Variants in ATP8A2 observed in about 807,000 individuals in gnomAD.
ATP8A2 encodes the protein phospholipid-transporting ATPase IB.
A neutral mutation model predicts 165.6 loss-of-function variants in ATP8A2; 100 were observed. The observed-to-expected ratio is 0.60, with a 90% CI of 0.51 to 0.71. ATP8A2 has a LOEUF of 0.71. Among genes scored for constraint, ATP8A2 ranks in the 30% least tolerant of loss-of-function variants. The pLI, the probability that ATP8A2 is intolerant of heterozygous loss-of-function variation, is 0.00. For missense variants in ATP8A2, 1,227 were observed against 1,479.5 expected, an observed-to-expected ratio of 0.83 and a Z score of 2.80; for synonymous variants, 543 against 548.8, an observed-to-expected ratio of 0.99 and a Z score of 0.15.
intron 35 of ATP8A2, among the ~76,000 whole-genome samples, chr13:26,005,290 T>C (rs1235056029): frequency 1.3e-5 from 2 of 152,080 alleles, no homozygotes; most frequent in Non-Finnish European, 1.5e-5. Flanking sequence ...GTATCTGTTA[T>C]AGTGTCTCAA....
intron 1 of ATP8A2, among the ~76,000 whole-genome samples, chr13:25,412,841 G>A (rs757376386): frequency 2.6e-5 from 4 of 152,162 alleles, no homozygotes; most frequent in Non-Finnish European, 5.9e-5. Flanking sequence ...TTTGGGGGGG[G>A]ATGGAGTCTT....
At chr13:25,732,297 G>A (rs980519736) in intron 25 of ATP8A2, among the ~76,000 whole-genome samples, 8 of 152,296 alleles carry the variant, frequency 5.3e-5, no homozygotes, top group South Asian at 2.1e-4. Context: ...ACCAGAATTC[G>A]GAATATGGGG....
chr13:25,950,480 C>T (rs559506329), intron 33 of ATP8A2, among the ~76,000 whole-genome samples: 1 of 152,304 alleles, frequency 6.6e-6, no homozygotes, highest in East Asian at 1.9e-4. Flanking sequence ...AGGCAAAGAA[C>T]AGTAACAGCA....
chr13:25,807,325 C>T (rs778979509), intron 27 of ATP8A2, among the ~76,000 whole-genome samples: 5 of 152,132 alleles, frequency 3.3e-5, no homozygotes, highest in Non-Finnish European at 2.9e-5. Flanking sequence ...AGCTCTTAAA[C>T]TTACGACTGT....
At chr13:25,784,339 G>T (rs1032045915) in intron 27 of ATP8A2, among the ~76,000 whole-genome samples, 1 of 152,100 alleles carries the variant, frequency 6.6e-6, no homozygotes, top group Non-Finnish European at 1.5e-5. Flanking sequence ...TCGTAGCCCG[G>T]GTGCACTCTC....
intron 24 of ATP8A2, among the ~76,000 whole-genome samples, chr13:25,634,739 A>G (rs1468133357): frequency 6.6e-6 from 1 of 152,148 alleles, no homozygotes; most frequent in Non-Finnish European, 1.5e-5. Flanking sequence ...GACCTGTACC[A>G]AGCATTTCTT....
chr13:25,401,132 A>G (rs1015347937), intron 1 of ATP8A2, among the ~76,000 whole-genome samples: 4 of 152,200 alleles, frequency 2.6e-5, no homozygotes, highest in Non-Finnish European at 4.4e-5. Flanking sequence ...CAGCTCGGAA[A>G]TGAGACACGG....
chr13:25,432,580 C>T (rs1408720020), intron 1 of ATP8A2, among the ~76,000 whole-genome samples: 2 of 152,060 alleles, frequency 1.3e-5, no homozygotes, highest in Non-Finnish European at 2.9e-5. Context: ...TGGGAGGGCT[C>T]AGAGCTCCTA....
chr13:25,811,685 TACAAA>T (rs1458258309), intron 27 of ATP8A2, among the ~76,000 whole-genome samples: 1 of 152,114 alleles, frequency 6.6e-6, no homozygotes, highest in African/African-American at 2.4e-5. Flanking sequence ...ACTCCATCTT[TACAAA>T]ACAAAACAAA....
In ATP8A2 at chr13:25,729,021, C is replaced by A. The variant is rs188663580; in HGVS notation, c.2384+29676C>A. On this transcript the variant is annotated intron_variant, in intron 25 of 36. Transcript: ENST00000381655. ...TGCATTCTTAAAAACTCAGAGCTAA[C>A]CTTGGAGTGGTGTCTCTTTCTCTCC... Among the ~76,000 whole-genome samples the A allele has an allele frequency of 9.2e-5, 14 of 152,180 alleles. No individual in the cohort carries two copies. In the East Asian group the frequency reaches 2.5e-3, roughly 27 times the overall value.
At chr13:25,931,962 C>G (rs1025280172) in intron 33 of ATP8A2, among the ~76,000 whole-genome samples, 1 of 151,226 alleles carries the variant, frequency 6.6e-6, no homozygotes, top group Non-Finnish European at 1.5e-5. Flanking sequence ...GCAGGAGAAT[C>G]ACTTGAACCA....
chr13:25,747,912 T>C (rs1288037681), intron 25 of ATP8A2, among the ~76,000 whole-genome samples: 1 of 152,158 alleles, frequency 6.6e-6, no homozygotes, highest in Non-Finnish European at 1.5e-5. Flanking sequence ...TTCAGATATT[T>C]TTCTACAAGT....
chr13:25,810,480 A>G (rs1354901341), intron 27 of ATP8A2, among the ~76,000 whole-genome samples: 1 of 151,712 alleles, frequency 6.6e-6, no homozygotes, highest in Admixed American at 6.6e-5. Context: ...CCCAGCCCCA[A>G]TTTAAACATC....
At chr13:25,954,852 C>T (rs1955481433) in intron 33 of ATP8A2, among the ~76,000 whole-genome samples, 1 of 152,206 alleles carries the variant, frequency 6.6e-6, no homozygotes, top group Admixed American at 6.5e-5. Flanking sequence ...AGGTCACCAA[C>T]ATCAAAGACC....
intron 2 of ATP8A2, among the ~76,000 whole-genome samples, chr13:25,512,990 T>G (rs376645443): frequency 5.7e-4 from 41 of 71,800 alleles, no homozygotes; most frequent in South Asian, 1.1e-3. Flanking sequence ...CCGGACGGGG[T>G]GGCTGGCCGG....
At chr13:25,652,676 G>T (rs1464913239) in intron 24 of ATP8A2, among the ~76,000 whole-genome samples, 2 of 152,126 alleles carry the variant, frequency 1.3e-5, no homozygotes, top group Non-Finnish European at 2.9e-5. Context: ...TTTTCTTTGA[G>T]TTTGTGAGAA....
chr13:25,553,355 T>G (rs1260804449), intron 11 of ATP8A2, among the ~76,000 whole-genome samples: 1 of 152,186 alleles, frequency 6.6e-6, no homozygotes, highest in African/African-American at 2.4e-5. Flanking sequence ...GCTTCTCTTG[T>G]TCACACTTTT....
At position 25,390,327 on chromosome 13, in the gene ATP8A2, A is replaced by G. The variant is rs116661518; in HGVS notation, c.76+18039A>G. 9.7e-3 allele frequency among the ~76,000 whole-genome samples: 1,475 copies of G among 152,228 alleles called. 27 individuals carry two copies. The highest frequency in any genetic ancestry group is 0.034 in the African/African-American group (1,402 of 41,530). On this transcript the variant is annotated intron_variant, in intron 1 of 36. Transcript: ENST00000381655. ...TGGCTTTTTAAAAGTCAAGGTTATT[A>G]AGATATAATTTACACACAGTGAAAT...
At position 25,744,107 on chromosome 13, in the gene ATP8A2, G is replaced by C. The variant is rs377649028; in HGVS notation, c.2385-24939G>C. Among the ~76,000 whole-genome samples the C allele has an allele frequency of 1.5e-4, 23 of 152,314 alleles. 1 individual carries two copies. In the South Asian group the frequency reaches 3.5e-3, roughly 23 times the overall value. ...ACTAACATCTTCCAGTGTGTGCCTTGATCTTGTAGGAGGGAAGATATTGAA... is the reference window on the plus strand; with the variant it reads ...ACTAACATCTTCCAGTGTGTGCCTTCATCTTGTAGGAGGGAAGATATTGAA... On this transcript the variant is annotated intron_variant, in intron 25 of 36. Coordinates refer to ENST00000381655, the MANE Select transcript of ATP8A2 (RefSeq NM_016529.6).
Sources: gnomAD v4.1 joint callset for allele counts (sites outside exome capture counted in the v4.1 genomes callset) on GRCh38, gnomAD v4.1.1 for gene constraint, MANE v1.5 for transcripts, NCBI Gene and HGNC (gene_info 2026-07-23, HGNC 2026-07-21) for gene names.